The following LARGE1 variants were observed in gnomAD, a reference collection of about 807,000 sequenced individuals.
The protein encoded by LARGE1 is LARGE xylosyl- and glucuronyltransferase 1, also known as xylosyl- and glucuronyltransferase LARGE1.
Under a neutral mutation model 87.6 loss-of-function variants are expected in LARGE1, and 43 were observed. That is an observed-to-expected ratio of 0.49 (90% CI 0.38 to 0.63). The LOEUF is 0.63. LARGE1 is among the 30% of genes least tolerant of loss of function. The pLI is 0.00. For synonymous variants in LARGE1, 434 were observed against 394.6 expected (o/e 1.10, Z -1.18); for missense variants, 802 against 1,000.2 (o/e 0.80, Z 2.67).
intron 3 of LARGE1, among the ~76,000 whole-genome samples, chr22:33,632,154 G>T (rs188084378): frequency 2.6e-5 from 4 of 152,220 alleles, no homozygotes; most frequent in African/African-American, 4.8e-5. Context: ...ACCGAGTCTC[G>T]ATCTATCGCC....
At chr22:33,176,782 T>C (rs1922896050) in intron 11 of LARGE1, among the ~76,000 whole-genome samples, 1 of 152,190 alleles carries the variant, frequency 6.6e-6, no homozygotes. Flanking sequence ...AGAAATAGCA[T>C]TTGATCCAGC....
chr22:33,136,495 G>A, the LARGE1 span, among the ~76,000 whole-genome samples: 61 of 152,262 alleles, frequency 4.0e-4, no homozygotes, highest in African/African-American at 1.3e-3. Flanking sequence ...GGGAATTATG[G>A]GAGCTACAAT....
intron 1 of LARGE1, among the ~76,000 whole-genome samples, chr22:33,879,049 C>T (rs751368840): frequency 6.6e-5 from 10 of 151,626 alleles, no homozygotes; most frequent in Non-Finnish European, 1.0e-4. Context: ...CTCAGCCTAC[C>T]GCAACCTCTG....
At chr22:33,339,444 T>G (rs1938903392) in intron 9 of LARGE1, among the ~76,000 whole-genome samples, 1 of 152,036 alleles carries the variant, frequency 6.6e-6, no homozygotes, top group African/African-American at 2.4e-5. Flanking sequence ...TGGTCAGCAC[T>G]CAGACTGTAG....
intron 5 of LARGE1, among the ~76,000 whole-genome samples, chr22:33,568,918 G>A (rs530693354): frequency 3.9e-5 from 6 of 152,246 alleles, no homozygotes; most frequent in South Asian, 2.1e-4. Context: ...GAAGGCGGGC[G>A]ATTTGTCTAC....
chr22:33,564,651 A>G (rs1486207352), intron 6 of LARGE1, among the ~76,000 whole-genome samples, 197 bp downstream of exon 6: 1 of 152,254 alleles, frequency 6.6e-6, no homozygotes, highest in Non-Finnish European at 1.5e-5. Flanking sequence ...AAAGACATGT[A>G]AACAAGTTTC....
intron 12 of LARGE1, among the ~76,000 whole-genome samples, chr22:33,292,554 C>T (rs1033128640): frequency 2.0e-5 from 3 of 151,926 alleles, no homozygotes; most frequent in East Asian, 3.9e-4. Context: ...GCTTACATGT[C>T]GAGGAGACAA....
At chr22:33,526,151 C>CG (rs1400138426) in intron 6 of LARGE1, among the ~76,000 whole-genome samples, 1 of 152,040 alleles carries the variant, frequency 6.6e-6, no homozygotes, top group Non-Finnish European at 1.5e-5. Flanking sequence ...ACCTTGAAAA[C>CG]ATTATGTTAG....
chr22:33,232,565 T>G (rs1178543968), intron 11 of LARGE1, among the ~76,000 whole-genome samples: 1 of 152,192 alleles, frequency 6.6e-6, no homozygotes, highest in Admixed American at 6.5e-5. Flanking sequence ...AATAAGTATT[T>G]TCTTCCTTCT....
intron 1 of LARGE1, among the ~76,000 whole-genome samples, chr22:33,807,798 T>C (rs1225376785): frequency 6.6e-6 from 1 of 152,208 alleles, no homozygotes; most frequent in African/African-American, 2.4e-5. Context: ...GTCATATGTA[T>C]TTAAATTTCT....
intron 11 of LARGE1, among the ~76,000 whole-genome samples, chr22:33,243,145 G>A (rs1413318029): frequency 6.6e-6 from 1 of 152,128 alleles, no homozygotes; most frequent in African/African-American, 2.4e-5. Context: ...ATTTGCATGG[G>A]GGGCAGTAGA....
intron 6 of LARGE1, among the ~76,000 whole-genome samples, chr22:33,438,882 C>G (rs747304894): frequency 6.6e-6 from 1 of 152,148 alleles, no homozygotes; most frequent in Non-Finnish European, 1.5e-5. Flanking sequence ...TAAAATCTAT[C>G]TCTGACCTCT....
intron 6 of LARGE1, among the ~76,000 whole-genome samples, chr22:33,532,211 A>C (rs956547327): frequency 6.6e-5 from 10 of 152,244 alleles, no homozygotes; most frequent in African/African-American, 2.4e-4. Flanking sequence ...TTGTACAAAG[A>C]AATCTTGGGC....
chr22:33,491,898 CG>C (rs1344939928), intron 6 of LARGE1, among the ~76,000 whole-genome samples: 4 of 152,146 alleles, frequency 2.6e-5, no homozygotes, highest in Admixed American at 1.3e-4. Flanking sequence ...AAACCATTCC[CG>C]AGGCAGCTGA....
At chr22:33,832,727 C>T (rs745943645) in intron 1 of LARGE1, among the ~76,000 whole-genome samples, 4 of 152,218 alleles carry the variant, frequency 2.6e-5, no homozygotes, top group East Asian at 3.9e-4. Flanking sequence ...CCCTGGGAAC[C>T]GGTCCAGCTC....
chr22:33,079,221 CTT>C, the LARGE1 span, among the ~76,000 whole-genome samples: 123 of 85,766 alleles, frequency 1.4e-3, 2 homozygotes, highest in African/African-American at 5.7e-3. Flanking sequence ...AGTTATCATT[CTT>C]TTTTTTTTTT....
intron 11 of LARGE1, among the ~76,000 whole-genome samples, chr22:33,179,532 A>C (rs574288399): frequency 3.4e-4 from 51 of 152,214 alleles, no homozygotes; most frequent in Non-Finnish European, 6.2e-4. Flanking sequence ...AGAGCAGTAC[A>C]AGACGCATAG....
At chr22:33,428,419 A>G (rs1397839136) in intron 7 of LARGE1, among the ~76,000 whole-genome samples, 1 of 150,780 alleles carries the variant, frequency 6.6e-6, no homozygotes, top group Non-Finnish European at 1.5e-5. Context: ...GGGTTAAGCA[A>G]TTCTCTGCCT....
chr22:33,655,408 G>C (rs1416775886), intron 2 of LARGE1, among the ~76,000 whole-genome samples: 1 of 152,028 alleles, frequency 6.6e-6, no homozygotes, highest in African/African-American at 2.4e-5. Flanking sequence ...CCTGGGTCTC[G>C]AGCCTGTTGG....
Sources: gnomAD v4.1 joint callset for allele counts (sites outside exome capture counted in the v4.1 genomes callset) on GRCh38, gnomAD v4.1.1 for gene constraint, MANE v1.5 for transcripts, NCBI Gene and HGNC (gene_info 2026-07-23, HGNC 2026-07-21) for gene names.